The following RHOT2 variants were observed in gnomAD, a reference collection of about 807,000 sequenced individuals.
RHOT2 encodes mitochondrial Rho GTPase 2.
RHOT2 carries 90 observed loss-of-function variants against 81.6 expected under a neutral mutation model. The ratio of observed to expected loss-of-function variants is 1.10; its 90% CI spans 0.93 to 1.31. The LOEUF (loss-of-function observed/expected upper bound fraction) is 1.31. Among genes scored for constraint, RHOT2 ranks in the 40% most tolerant of loss-of-function variants. The probability of loss-of-function intolerance (pLI) is 0.00; values close to 1 mark genes in which losing one functional copy is unlikely to be tolerated. For synonymous variants in RHOT2, 512 were observed against 370.9 expected (o/e 1.38, Z -4.37); for missense variants, 1,014 against 841.9 (o/e 1.20, Z -2.53).
rs750353524 is a variant in RHOT2 at position 668,683 on chromosome 16, G to A, written c.206G>A (p.Arg69Gln). Residue 69 changes from arginine to glutamine, a missense_variant, in exon 4 of 19, where the codon CGG (arginine) becomes CAG (glutamine). Arg to Gln is a conservative substitution (Grantham distance 43). Transcript: ENST00000315082. ...GCCGAGCAGACGGACGAGGAGCTGC[G>A]GGAGGAGATCCACAAGGTACCCGTG... is the stretch of plus-strand genomic sequence containing the variant. ...SEAEQTDEEL[R>Q]EEIHKANVVC... 41 of 1,603,738 alleles carry A rather than the reference G, an allele frequency of 2.6e-5. No individual in the cohort carries two copies. In the Admixed American group the frequency reaches 4.6e-4, roughly 18 times the overall value.
At chr16:671,633 A>T (rs2038950416) in intron 11 of RHOT2, 64 bp from the exon 12 acceptor site, 2 of 1,537,574 alleles carry the variant, frequency 1.3e-6, no homozygotes, top group Non-Finnish European at 1.8e-6. Flanking sequence ...GCAGGGTGAC[A>T]GATGGGCTGA....
chr16:672,072 G>A lies in RHOT2; in HGVS notation c.1098-12G>A, dbSNP rs765348846. 1.4e-5 allele frequency: 19 copies of A among 1,360,294 alleles called. No homozygotes were observed. The highest frequency in any genetic ancestry group is 6.4e-5 in the East Asian group (2 of 31,058). 84.3% of individuals were successfully genotyped at this position (1,360,294 alleles called of 1,614,324 possible). ...CACCATAACACTGTGCCTGCCTCCC[G>A]CCCACCCCCAGCCTGGTGACCTACC... On this transcript the variant is annotated splice_polypyrimidine_tract_variant and intron_variant, in intron 13 of 18. Transcript: ENST00000315082.
chr16:670,925 G>T lies in RHOT2; in HGVS notation c.673G>T (p.Ala225Ser). ...SCFGHPLAPQ[A>S]LEDVKTVVCR... ...CTTTGGGCACCCCCTGGCCCCGCAG[G>T]CCCTGGAGGACGTGAAGACGGTGGT... The change falls in exon 10 of 19, where the codon GCC becomes TCC. Residue 225 changes from alanine to serine, a missense_variant. Coordinates refer to ENST00000315082, the MANE Select transcript of RHOT2 (RefSeq NM_138769.3). The T allele has an allele frequency of 6.4e-7, 1 of 1,569,360 alleles. No individual in the cohort carries two copies.
intron 18 of RHOT2, 62 bp downstream of exon 18, chr16:673,192 C>T (rs577671737): frequency 1.5e-4 from 225 of 1,538,020 alleles, no homozygotes; most frequent in Middle Eastern, 6.8e-4. Context: ...CAGTGGGCAG[C>T]GGTGGTGTCA....
intron 3 of RHOT2, 32 bp from the exon 4 acceptor site, chr16:668,623 TG>T (rs752666886): frequency 1.1e-5 from 17 of 1,609,006 alleles, no homozygotes; most frequent in Non-Finnish European, 1.3e-5. Context: ...GCGGGCCTGC[TG>T]GGTCCGCAGT....
At chr16:673,265 C>T (rs368090443) in intron 18 of RHOT2, 135 bp downstream of exon 18, 9 of 1,279,590 alleles carry the variant, frequency 7.0e-6, no homozygotes, top group Admixed American at 3.7e-5. Flanking sequence ...GGCGTCAGGC[C>T]TGGAACTGGG....
At chr16:670,606 G>A (rs892684001) in intron 8 of RHOT2, 49 bp downstream of exon 8, 2 of 1,599,882 alleles carry the variant, frequency 1.3e-6, no homozygotes, top group East Asian at 2.2e-5. Context: ...GGGCCCAGGG[G>A]GTGCTGGGTG....
At position 668,619 on chromosome 16, in the gene RHOT2, CTGCTGGGTCCGCAGTGGAGTCTCT is replaced by C; in HGVS notation, c.179-35_179-12del. 6.2e-7 allele frequency: 1 copy of C among 1,609,388 alleles called. No individual in the cohort carries two copies. The highest frequency in any genetic ancestry group is 1.1e-5 in the South Asian group (1 of 90,592). On this transcript the variant is annotated splice_polypyrimidine_tract_variant and intron_variant, in intron 3 of 18. Coordinates refer to ENST00000315082, the MANE Select transcript of RHOT2 (RefSeq NM_138769.3). ...CCCGGCCCGCAGCGGTCCGGCGGGC[CTGCTGGGTCCGCAGTGGAGTCTCT>C]TTGTCCCCCTAGAAGCCGAGCAGAC...
In RHOT2 at chr16:671,748, G is replaced by C; in HGVS notation, c.921G>C (p.Gln307His). The change falls in exon 12 of 19, where the codon CAG becomes CAC. Residue 307 changes from glutamine (Q) to histidine (H), a missense_variant. Gln to His is a conservative substitution (Grantham distance 24). Transcript: ENST00000315082. ...CGGAGCTCAACCACCTTGGCTACCA[G>C]TTTGTGCAGAGAGTGTTTGAGAAGC... Reference protein sequence around the residue: ...CSTELNHLGYQFVQRVFEKHD... With the variant: ...CSTELNHLGYHFVQRVFEKHD... 3 of 1,612,522 alleles carry C rather than the reference G, an allele frequency of 1.9e-6. No individual in the cohort carries two copies. Among genetic ancestry groups the C allele is most frequent in the Non-Finnish European group, 2.5e-6 (3 of 1,179,796 alleles).
chr16:671,511 C>T (rs1217991857), intron 11 of RHOT2, among the ~76,000 whole-genome samples, 186 bp from the exon 12 acceptor site: 1 of 152,178 alleles, frequency 6.6e-6, no homozygotes, highest in African/African-American at 2.4e-5. Context: ...GCCAGGCCTC[C>T]CACGTGCTGG....
At position 670,202 on chromosome 16, in the gene RHOT2, G is replaced by A. The variant is rs558189561; in HGVS notation, c.329+27G>A. The A allele has an allele frequency of 4.2e-5, 68 of 1,611,144 alleles. No homozygotes were observed. The Admixed American group carries it at 8.5e-4, about 20-fold the overall frequency. ...TAATGAGGGGATGTGGAAGGGGCTG[G>A]GACCCCTGGCTCCCCTGCCCCTGGT... On this transcript the variant is annotated intron_variant, in intron 6 of 18. Transcript: ENST00000315082.
chr16:671,808 C>CAGGCCCA, intron 12 of RHOT2, 27 bp downstream of exon 12: 1 of 1,585,892 alleles, frequency 6.3e-7, no homozygotes, highest in Non-Finnish European at 8.6e-7. Context: ...TCCCCTGCCC[C>CAGGCCCA]TGCCCCCGCC....
At chr16:670,424 G>C in intron 7 of RHOT2, 32 bp from the exon 8 acceptor site, 1 of 1,607,366 alleles carries the variant, frequency 6.2e-7, no homozygotes, top group Non-Finnish European at 8.5e-7. Context: ...CCTCCTCGGG[G>C]CACTTCCCTG....
intron 5 of RHOT2, chr16:669,855 G>GA: frequency 1.6e-6 from 1 of 617,244 alleles, no homozygotes; most frequent in East Asian, 2.8e-5. Context: ...CAAACCCCCG[G>GA]GGGGGGACCC....
intron 1 of RHOT2, 57 bp downstream of exon 1, chr16:668,293 C>G: frequency 1.5e-6 from 2 of 1,297,056 alleles, no homozygotes; most frequent in Non-Finnish European, 2.0e-6. Flanking sequence ...GGGTGAGGGT[C>G]TCGGGGGTCG....
At position 673,597 on chromosome 16, in the gene RHOT2, G is replaced by A. The variant is rs753409630; in HGVS notation, c.1848G>A (p.Lys616=). ...TCTCACTCTACAGGGTCCTGGTGAA[G>A]AGCCAGTGAGGCCCCTGGTACCCAA... ...LSFSLYRVLV[K]SQ is the part of the protein sequence containing the mutation. Residue 616 remains lysine, a synonymous_variant, in exon 19 of 19, where the codon AAG becomes AAA. Transcript: ENST00000315082. 83 of 1,606,800 alleles carry A rather than the reference G, an allele frequency of 5.2e-5. No individual in the cohort carries two copies. The highest frequency in any genetic ancestry group is 6.3e-5 in the Non-Finnish European group (74 of 1,178,120).
At position 672,263 on chromosome 16, in the gene RHOT2, A is replaced by G; in HGVS notation, c.1205A>G (p.Glu402Gly). Residue 402 changes from glutamate to glycine, a missense_variant, in exon 15 of 19, where the codon GAG becomes GGG. Physicochemically the swap from Glu to Gly is moderately conservative, Grantham distance 98 (BLOSUM62 -2). Transcript: ENST00000315082. ...GTGTCTATCCTCACAGTCACTCGTG[A>G]GAAGAGGCTGGACCAGGAGAAGGGA... ...DQAHAITVTR[E>G]KRLDQEKGQT... 1.9e-6 allele frequency: 3 copies of G among 1,611,712 alleles called. No homozygotes were observed. The highest frequency in any genetic ancestry group is 2.5e-6 in the Non-Finnish European group (3 of 1,179,224).
In RHOT2 at chr16:670,349, T is replaced by G. The variant is rs1219004712; in HGVS notation, c.430T>G (p.Cys144Gly). The change falls in exon 7 of 19, where the codon TGC becomes GGC. Residue 144 changes from cysteine (C) to glycine (G), a missense_variant. By Grantham distance (159) the Cys-to-Gly change is radical. Coordinates refer to ENST00000315082, the MANE Select transcript of RHOT2 (RefSeq NM_138769.3). The stretch of plus-strand genomic sequence containing the variant: ...GAGCCAGTTTCCCGAGATTGAGACC[T>G]GCGTGGAGGTGAGTAGGTCCCAGGC... ...IMSQFPEIET[C>G]VECSAKNLRN... is the part of the protein sequence containing the mutation. 1.9e-6 allele frequency: 3 copies of G among 1,612,808 alleles called. No individual in the cohort carries two copies. In the South Asian group the frequency reaches 3.3e-5, roughly 18 times the overall value.
In RHOT2 at chr16:673,046, C is replaced by T. The variant is rs772564815; in HGVS notation, c.1646C>T (p.Pro549Leu). Residue 549 changes from proline to leucine, a missense_variant, in exon 18 of 19, where the codon CCC (proline) becomes CTC (leucine). By Grantham distance (98) the Pro-to-Leu change is moderately conservative (BLOSUM62 -3). Transcript: ENST00000315082. ...PAEFCRKHRL[P>L]APVPFSCAGP... ...GAGTTTTGCCGCAAGCACCGGCTAC[C>T]CGCTCCCGTGCCGTTCTCCTGTGCT... is the stretch of plus-strand genomic sequence containing the variant. 1 of 1,612,082 alleles carries T rather than the reference C, an allele frequency of 6.2e-7. No individual in the cohort carries two copies. The highest frequency in any genetic ancestry group is 8.5e-7 in the Non-Finnish European group (1 of 1,179,948).
Sources: allele counts gnomAD v4.1 joint callset (sites outside exome capture counted in the v4.1 genomes callset), GRCh38; gene constraint gnomAD v4.1.1; transcripts MANE v1.5; gene names NCBI Gene and HGNC (gene_info 2026-07-23, HGNC 2026-07-21).